CAST: variants seen among roughly 807,000 people sequenced by gnomAD.
The protein encoded by CAST is calpastatin.
CAST carries 76 observed loss-of-function variants against 119.6 expected under a neutral mutation model. The observed-to-expected ratio is 0.64, with a 90% CI of 0.53 to 0.77. The LOEUF is 0.77. Among genes scored for constraint, CAST ranks in the 30% least tolerant of loss-of-function variants. The pLI is 0.00. For synonymous variants in CAST, 319 were observed against 331.6 expected (o/e 0.96, Z 0.41); for missense variants, 953 against 946.5 (o/e 1.01, Z -0.09).
chr5:96,743,634 A>G (rs1244751818), intron 16 of CAST: 1 of 1,613,098 alleles, frequency 6.2e-7, no homozygotes, highest in Non-Finnish European at 8.5e-7. Context: ...AAGATGGGCC[A>G]GTTTCTATCT....
chr5:96,074,717 A>G, the CAST span, among the ~76,000 whole-genome samples: 2 of 152,230 alleles, frequency 1.3e-5, no homozygotes, highest in African/African-American at 2.4e-5. Context: ...GAGATGGGGA[A>G]GAAAGAAGGA....
the CAST span, among the ~76,000 whole-genome samples, chr5:96,450,605 C>A: frequency 6.6e-6 from 1 of 152,074 alleles, no homozygotes; most frequent in Non-Finnish European, 1.5e-5. Context: ...AGTAAATAAT[C>A]CTCATATTTA....
intron 1 of CAST, among the ~76,000 whole-genome samples, chr5:96,562,733 A>G (rs1009866518): frequency 2.6e-5 from 4 of 152,142 alleles, no homozygotes; most frequent in Non-Finnish European, 5.9e-5. Flanking sequence ...ACTGCTTCCA[A>G]TCTCCAGGAA....
the CAST span, among the ~76,000 whole-genome samples, chr5:96,263,434 G>A: frequency 2.0e-5 from 3 of 152,106 alleles, no homozygotes; most frequent in African/African-American, 4.8e-5. Flanking sequence ...TGGATGGATG[G>A]AGCACAAGAA....
At chr5:96,208,058 G>A in the CAST span, among the ~76,000 whole-genome samples, 1 of 150,798 alleles carries the variant, frequency 6.6e-6, no homozygotes, top group African/African-American at 2.4e-5. Context: ...GCTCTTTCTT[G>A]CAGGTTTTCT....
chr5:96,129,583 G>A, the CAST span, among the ~76,000 whole-genome samples: 1 of 152,058 alleles, frequency 6.6e-6, no homozygotes. Context: ...GTAATATGAG[G>A]AAATTGTTCA....
At chr5:96,080,326 T>C in the CAST span, among the ~76,000 whole-genome samples, 4 of 152,206 alleles carry the variant, frequency 2.6e-5, no homozygotes, top group Non-Finnish European at 4.4e-5. Context: ...CTTTTAAAAA[T>C]ATTAATGCTA....
chr5:96,198,712 A>G, the CAST span, among the ~76,000 whole-genome samples: 1 of 152,164 alleles, frequency 6.6e-6, no homozygotes, highest in Admixed American at 6.5e-5. Context: ...AAGCCCAATA[A>G]TGATCCCTGA....
chr5:96,542,260 G>C (rs1422295223), intron 1 of CAST, among the ~76,000 whole-genome samples: 1 of 148,466 alleles, frequency 6.7e-6, no homozygotes, highest in Non-Finnish European at 1.5e-5. Flanking sequence ...GCAGTGAGCC[G>C]AGATCGCGCC....
chr5:96,728,601 C>T (rs1165330244), intron 6 of CAST: 1 of 152,310 alleles, frequency 6.6e-6, no homozygotes, highest in Non-Finnish European at 1.5e-5. Flanking sequence ...CTCCGCCTCC[C>T]GAGTAGCTGG....
chr5:96,047,988 G>A, the CAST span, among the ~76,000 whole-genome samples: 1 of 152,162 alleles, frequency 6.6e-6, no homozygotes, highest in Non-Finnish European at 1.5e-5. Flanking sequence ...AGGGAATATA[G>A]AACTGAAGGG....
chr5:96,443,728 G>A, the CAST span, among the ~76,000 whole-genome samples: 3 of 152,092 alleles, frequency 2.0e-5, no homozygotes, highest in African/African-American at 7.2e-5. Flanking sequence ...TGATTCTATT[G>A]GGCATCATTG....
the CAST span, chr5:95,961,931 A>G: frequency 1.6e-6 from 1 of 618,308 alleles, no homozygotes; most frequent in Non-Finnish European, 2.6e-6. Context: ...GGCTCGTCTC[A>G]TTGGTCTTGT....
At chr5:96,245,852 T>TCTTAGGGTCTTAA in the CAST span, among the ~76,000 whole-genome samples, 2 of 152,196 alleles carry the variant, frequency 1.3e-5, no homozygotes, top group Non-Finnish European at 2.9e-5. Flanking sequence ...CTTAATGTCT[T>TCTTAGGGTCTTAA]TGAACTTCTT....
intron 1 of CAST, among the ~76,000 whole-genome samples, chr5:96,668,326 C>T (rs1749609329): frequency 6.6e-6 from 1 of 152,220 alleles, no homozygotes; most frequent in Admixed American, 6.5e-5. Context: ...ATATAATACA[C>T]AGTCATGAGA....
At chr5:96,041,530 T>G in the CAST span, among the ~76,000 whole-genome samples, 1 of 152,074 alleles carries the variant, frequency 6.6e-6, no homozygotes, top group Non-Finnish European at 1.5e-5. Context: ...GACAAAAAAC[T>G]ACATAAATCT....
chr5:96,698,518 C>T (rs1753552869), intron 3 of CAST, among the ~76,000 whole-genome samples: 2 of 152,170 alleles, frequency 1.3e-5, no homozygotes, highest in Admixed American at 1.3e-4. Flanking sequence ...ATTCTTCACC[C>T]CTTCCGTTCT....
At chr5:96,119,292 T>C in the CAST span, among the ~76,000 whole-genome samples, 2 of 152,112 alleles carry the variant, frequency 1.3e-5, no homozygotes, top group African/African-American at 4.8e-5. Flanking sequence ...TTTAAAAGTT[T>C]TCAGCATGGT....
the CAST span, among the ~76,000 whole-genome samples, chr5:96,410,186 A>C: frequency 5.9e-5 from 9 of 152,090 alleles, no homozygotes; most frequent in Non-Finnish European, 1.0e-4. Context: ...CGTCTGACTC[A>C]TGGAAGCAAA....
Sources: gnomAD v4.1 joint callset for allele counts (sites outside exome capture counted in the v4.1 genomes callset) on GRCh38, gnomAD v4.1.1 for gene constraint, MANE v1.5 for transcripts, NCBI Gene and HGNC (gene_info 2026-07-23, HGNC 2026-07-21) for gene names.